NCAM2: variants seen among roughly 807,000 people sequenced by gnomAD.
NCAM2 encodes neural cell adhesion molecule 2.
In NCAM2, 30 loss-of-function variants were observed where a neutral mutation model predicts 98.1. The observed-to-expected ratio is 0.31, with a 90% confidence interval of 0.23 to 0.41. The LOEUF (loss-of-function observed/expected upper bound fraction) is 0.41, where lower values mean the gene tolerates loss of function less well. Among genes scored for constraint, NCAM2 ranks in the 10% least tolerant of loss-of-function variants. The probability of loss-of-function intolerance (pLI) is 1.00; values close to 1 mark genes in which losing one functional copy is unlikely to be tolerated. For missense variants in NCAM2, 867 were observed against 1,005.8 expected (o/e 0.86, Z 1.87); for synonymous variants, 368 against 342.4 (o/e 1.07, Z -0.83).
intron 8 of NCAM2, among the ~76,000 whole-genome samples, chr21:21,344,258 A>G (rs995930664): frequency 6.6e-6 from 1 of 152,170 alleles, no homozygotes; most frequent in African/African-American, 2.4e-5. Flanking sequence ...GTACTACGTC[A>G]AGGGCTTTGA....
chr21:21,002,085 A>G (rs559718885), intron 1 of NCAM2, among the ~76,000 whole-genome samples: 35 of 152,244 alleles, frequency 2.3e-4, no homozygotes, highest in African/African-American at 7.0e-4. Flanking sequence ...TTTCTATTAA[A>G]TCGACTGGGT....
chr21:21,145,186 C>A (rs1446617606), intron 1 of NCAM2, among the ~76,000 whole-genome samples: 1 of 151,998 alleles, frequency 6.6e-6, no homozygotes, highest in Admixed American at 6.6e-5. Flanking sequence ...AATGAAACAA[C>A]AATAGAGTGA....
chr21:21,451,514 TA>T (rs1006836622), intron 12 of NCAM2, among the ~76,000 whole-genome samples: 24 of 152,254 alleles, frequency 1.6e-4, no homozygotes, highest in African/African-American at 5.8e-4. Flanking sequence ...AGTGCAGACA[TA>T]AGTAGACATT....
At chr21:21,475,061 A>G (rs1984991410) in intron 14 of NCAM2, among the ~76,000 whole-genome samples, 1 of 151,034 alleles carries the variant, frequency 6.6e-6, no homozygotes. Context: ...TATATACACA[A>G]TTTTTAAAAA....
rs567753259 is a variant in NCAM2, at chr21:21,368,900, C to T, written c.1045-4963C>T. On this transcript the variant is annotated intron_variant, in intron 8 of 17. Coordinates refer to ENST00000400546, the MANE Select transcript of NCAM2 (RefSeq NM_004540.5). ...CTTTATTCCTCTGCCTAAAACCTATCCTGTCCATTTCCAATTGTTCGTAAA... is the reference window on the plus strand; with the variant it reads ...CTTTATTCCTCTGCCTAAAACCTATTCTGTCCATTTCCAATTGTTCGTAAA... Among the ~76,000 whole-genome samples, 3 of 151,964 alleles carry T rather than the reference C, an allele frequency of 2.0e-5. No individual in the cohort carries two copies. The East Asian group carries it at 5.8e-4, about 29-fold the overall frequency.
At chr21:21,042,540 G>T (rs1478936975) in intron 1 of NCAM2, among the ~76,000 whole-genome samples, 1 of 152,012 alleles carries the variant, frequency 6.6e-6, no homozygotes, top group Non-Finnish European at 1.5e-5. Flanking sequence ...TGAATTTAGA[G>T]GTAAATATTA....
chr21:21,458,828 A>G (rs1444238399), intron 12 of NCAM2, among the ~76,000 whole-genome samples: 1 of 152,202 alleles, frequency 6.6e-6, no homozygotes, highest in African/African-American at 2.4e-5. Flanking sequence ...CTAGGCAACA[A>G]AAGCAAAAAT....
rs138905457 is a variant in NCAM2 at position 21,457,553 on chromosome 21, T to C, written c.1655-9053T>C. Among the ~76,000 whole-genome samples, 506 of 152,006 alleles carry C rather than the reference T, an allele frequency of 3.3e-3. 4 individuals are homozygous for C. The highest frequency in any genetic ancestry group is 0.014 in the Middle Eastern group (4 of 294). ...TACTCAGGAGGCTGAGGCAAGATAA[T>C]TGCTTGAACCCAGGAGGCAGAGGTT... is the stretch of plus-strand genomic sequence containing the variant. On this transcript the variant is annotated intron_variant, in intron 12 of 17. Coordinates refer to ENST00000400546, the MANE Select transcript of NCAM2 (RefSeq NM_004540.5).
intron 8 of NCAM2, among the ~76,000 whole-genome samples, chr21:21,372,543 A>G (rs1353175364): frequency 6.6e-6 from 1 of 151,850 alleles, no homozygotes; most frequent in East Asian, 1.9e-4. Context: ...CAAGATATAA[A>G]TGAATTTTCT....
intron 1 of NCAM2, among the ~76,000 whole-genome samples, chr21:21,097,835 A>G (rs2066154439): frequency 8.2e-6 from 1 of 121,952 alleles, no homozygotes; most frequent in Non-Finnish European, 1.9e-5. Context: ...AATCACAAAT[A>G]TAACCCAGAA....
chr21:21,313,880 T>C (rs1239515249), intron 5 of NCAM2, among the ~76,000 whole-genome samples: 1 of 152,058 alleles, frequency 6.6e-6, no homozygotes, highest in Non-Finnish European at 1.5e-5. Context: ...GCCGTTGTAA[T>C]TCAATGTCCC....
rs232436 is a variant in NCAM2, at chr21:21,392,293, A to G, written c.1196-17981A>G. 6.7e-3 allele frequency among the ~76,000 whole-genome samples: 1,026 copies of G among 152,316 alleles called. 13 individuals are homozygous for G. Among genetic ancestry groups the G allele is most frequent in the African/African-American group, 0.023 (951 of 41,574 alleles). The stretch of plus-strand genomic sequence containing the variant: ...AGAGGACATGACATCATTCTTTTTT[A>G]TGGCTACATAGTATTCCGTGGTGAA... On this transcript the variant is annotated intron_variant, in intron 9 of 17. Coordinates refer to ENST00000400546, the MANE Select transcript of NCAM2 (RefSeq NM_004540.5).
At chr21:21,062,765 C>T (rs2065349985) in intron 1 of NCAM2, among the ~76,000 whole-genome samples, 1 of 152,054 alleles carries the variant, frequency 6.6e-6, no homozygotes. Flanking sequence ...TGCCTCATAT[C>T]TGTGATTGAA....
chr21:21,338,229 C>T (rs964511385), intron 7 of NCAM2, among the ~76,000 whole-genome samples, 160 bp from the exon 8 acceptor site: 1 of 152,062 alleles, frequency 6.6e-6, no homozygotes, highest in Admixed American at 6.6e-5. Context: ...TGCTATTCAA[C>T]TGTCCTGGTA....
In NCAM2 at chr21:21,280,807, A is replaced by G. The variant is rs951535928; in HGVS notation, c.130+155A>G. On this transcript the variant is annotated intron_variant, in intron 2 of 17. Transcript: ENST00000400546. ...TTTGTTTTTGTTGTTTTTGAGACAG[A>G]GCCTCGCTCTGTCTCCCAGACTGGA... 5.9e-5 allele frequency among the ~76,000 whole-genome samples: 9 copies of G among 152,264 alleles called. No individual in the cohort carries two copies. In the South Asian group the frequency reaches 1.5e-3, roughly 25 times the overall value.
intron 5 of NCAM2, among the ~76,000 whole-genome samples, chr21:21,293,521 T>C (rs1250570848): frequency 6.6e-6 from 1 of 151,772 alleles, no homozygotes. Flanking sequence ...TTAGAGGAGA[T>C]CTAGTATTTT....
chr21:21,340,141 G>T (rs1351658734), intron 8 of NCAM2, among the ~76,000 whole-genome samples: 1 of 151,616 alleles, frequency 6.6e-6, no homozygotes. Context: ...TTTCAATTTT[G>T]CATGTTTATT....
At chr21:21,419,956 A>G (rs2077077650) in intron 11 of NCAM2, among the ~76,000 whole-genome samples, 1 of 152,026 alleles carries the variant, frequency 6.6e-6, no homozygotes, top group Non-Finnish European at 1.5e-5. Context: ...ACAATGGTTG[A>G]ACTAGTTTAC....
Position 21,014,855 on chromosome 21 carries a change from T to G in NCAM2, c.55+16237T>G, listed in dbSNP as rs575647752. On this transcript the variant is annotated intron_variant, in intron 1 of 17. Coordinates refer to ENST00000400546, the MANE Select transcript of NCAM2 (RefSeq NM_004540.5). ...CATTCTAGATGCCATTAAGAACATT[T>G]GTGGTTCATGGGAGGAGGTCACATG... Among the ~76,000 whole-genome samples, 8 of 152,328 alleles carry G rather than the reference T, an allele frequency of 5.3e-5. No individual in the cohort carries two copies. The East Asian group carries it at 1.2e-3, about 22-fold the overall frequency.
Sources: gnomAD v4.1 joint callset for allele counts (sites outside exome capture counted in the v4.1 genomes callset) on GRCh38, gnomAD v4.1.1 for gene constraint, MANE v1.5 for transcripts, NCBI Gene and HGNC (gene_info 2026-07-23, HGNC 2026-07-21) for gene names.